The following KLF16 variants were observed in gnomAD, a reference collection of about 807,000 sequenced individuals.
KLF16 encodes KLF transcription factor 16, also known as Krueppel-like factor 16.
Under a neutral mutation model 6.1 loss-of-function variants are expected in KLF16, and 6 were observed. That is an observed-to-expected ratio of 0.98 (90% CI 0.54 to 1.93). The LOEUF is 1.93. Ranked by LOEUF, KLF16 falls within the 30% of genes most tolerant of loss-of-function variation. The pLI, the probability that KLF16 is intolerant of heterozygous loss-of-function variation, is 0.01. For synonymous variants in KLF16, 211 were observed against 176.5 expected, an observed-to-expected ratio of 1.20 and a Z score of -1.55; for missense variants, 355 against 363.8, an observed-to-expected ratio of 0.98 and a Z score of 0.20.
chr19:1,861,992 C>T (rs1599195621), intron 1 of KLF16: 1 of 152,228 alleles, frequency 6.6e-6, no homozygotes, highest in African/African-American at 2.4e-5. Context: ...GCATCGCACT[C>T]TTGATAGAAA....
At position 1,859,315 on chromosome 19, in the gene KLF16, G is replaced by C. The variant is rs566055601; in HGVS notation, c.457+3726C>G. On this transcript the variant is annotated intron_variant, in intron 1 of 1. Coordinates refer to ENST00000250916, the MANE Select transcript of KLF16 (RefSeq NM_031918.4). Reference sequence around the variant, plus strand: ...TCAGCAAGGGATCAGAAACCTGGCAGGCACTCAGACACTCCTCTGCACACC... The same window carrying C: ...TCAGCAAGGGATCAGAAACCTGGCACGCACTCAGACACTCCTCTGCACACC... 3.9e-5 allele frequency among the ~76,000 whole-genome samples: 6 copies of C among 152,196 alleles called. No individual in the cohort carries two copies. In the East Asian group the frequency reaches 9.7e-4, roughly 24 times the overall value.
chr19:1,854,294 C>A lies in KLF16; in HGVS notation c.*165G>T. 1.8e-5 allele frequency: 15 copies of A among 816,954 alleles called. No individual in the cohort carries two copies. The highest frequency in any genetic ancestry group is 2.6e-5 in the Non-Finnish European group (15 of 583,848). The allele number at this position is 816,954 out of a possible 1,614,324, so 50.6% of individuals were successfully genotyped here. A position where few individuals can be genotyped will look rare whatever the true frequency, so the allele number is the denominator to read the frequency against. On this transcript the variant is annotated 3_prime_UTR_variant, in exon 2 of 2. Coordinates refer to ENST00000250916, the MANE Select transcript of KLF16 (RefSeq NM_031918.4). ...CCTGAGAGCCACCTCTGAGGTCAGG[C>A]AGACCCAGGTCCAGTCTCAGGCCCC...
the KLF16 span, among the ~76,000 whole-genome samples, chr19:1,872,546 C>T: frequency 3.0e-4 from 46 of 152,346 alleles, 1 homozygote; most frequent in African/African-American, 8.7e-4. Context: ...CCCAGAGTCG[C>T]GCTCTTATCC....
chr19:1,862,755 G>A (rs1319988528), intron 1 of KLF16: 19 of 367,996 alleles, frequency 5.2e-5, no homozygotes, highest in Middle Eastern at 7.0e-4. Context: ...GAAAGGGAGA[G>A]AGGTGGTCTG....
At chr19:1,876,107 T>TA in the KLF16 span, 1 of 152,312 alleles carries the variant, frequency 6.6e-6, no homozygotes, top group East Asian at 1.9e-4. Context: ...GGCCGCCACT[T>TA]ACCACCGAGG....
rs1198438926 is a variant in KLF16 at position 1,853,696 on chromosome 19, G to A, written c.*763C>T. 1.3e-5 allele frequency: 2 copies of A among 152,652 alleles called. No homozygotes were observed. Among genetic ancestry groups the A allele is most frequent in the Admixed American group, 1.3e-4 (2 of 15,290 alleles). 9.5% of individuals were successfully genotyped at this position (152,652 alleles called of 1,614,324 possible). On this transcript the variant is annotated 3_prime_UTR_variant, in exon 2 of 2. Coordinates refer to ENST00000250916, the MANE Select transcript of KLF16 (RefSeq NM_031918.4). ...GCTAGGGCCCCCACACCCGAGGACA[G>A]AGGAAAATAAATAAGCCAGGATTCC...
At chr19:1,873,715 G>A in the KLF16 span, among the ~76,000 whole-genome samples, 2 of 152,264 alleles carry the variant, frequency 1.3e-5, no homozygotes, top group Non-Finnish European at 2.9e-5. Context: ...GAGAGCGCGC[G>A]TCCTGGAATA....
chr19:1,869,160 T>C, the KLF16 span, among the ~76,000 whole-genome samples: 1 of 152,308 alleles, frequency 6.6e-6, no homozygotes, highest in East Asian at 1.9e-4. Flanking sequence ...GGGGTTTCAC[T>C]GTCAGAGCTG....
At chr19:1,859,666 G>A (rs1318140801) in intron 1 of KLF16, among the ~76,000 whole-genome samples, 1 of 152,014 alleles carries the variant, frequency 6.6e-6, no homozygotes, top group Non-Finnish European at 1.5e-5. Flanking sequence ...TCCAGGAAGC[G>A]CTTTCCGTCA....
intron 1 of KLF16, chr19:1,861,583 G>A (rs2012066518): frequency 6.6e-6 from 1 of 152,290 alleles, no homozygotes; most frequent in African/African-American, 2.4e-5. Flanking sequence ...AGAAAACGCA[G>A]ACCCCACCCA....
intron 1 of KLF16, among the ~76,000 whole-genome samples, chr19:1,858,816 T>A (rs1360499610): frequency 6.6e-6 from 1 of 152,108 alleles, no homozygotes; most frequent in East Asian, 1.9e-4. Context: ...GGTGCCTGTG[T>A]AACCTCTGTT....
intron 1 of KLF16, among the ~76,000 whole-genome samples, chr19:1,859,998 G>A (rs1303006221): frequency 6.6e-6 from 1 of 152,134 alleles, no homozygotes; most frequent in Non-Finnish European, 1.5e-5. Context: ...CGGTAAGTGC[G>A]GAGGAGAGAA....
At chr19:1,868,403 G>T (rs1338553420), upstream of KLF16, among the ~76,000 whole-genome samples, 1 of 147,570 alleles carries the variant, frequency 6.8e-6, no homozygotes, top group Non-Finnish European at 1.5e-5. Flanking sequence ...AGGGTGTCCT[G>T]CCCCAAACCC....
intron 1 of KLF16, 99 bp from the exon 2 acceptor site, chr19:1,854,859 G>C: frequency 2.2e-6 from 3 of 1,354,442 alleles, no homozygotes; most frequent in Non-Finnish European, 3.0e-6. Flanking sequence ...CATTTGTCCC[G>C]TGCCGTTTTA....
the KLF16 span, chr19:1,874,745 C>CAA: frequency 2.1e-5 from 1 of 48,702 alleles, no homozygotes; most frequent in African/African-American, 1.1e-4. Flanking sequence ...TGTCAGAGTC[C>CAA]CAAAAAAAAA....
chr19:1,855,376 C>T (rs1350971785), intron 1 of KLF16, among the ~76,000 whole-genome samples: 1 of 142,116 alleles, frequency 7.0e-6, no homozygotes, highest in Non-Finnish European at 1.5e-5. Flanking sequence ...GCCCCGATCT[C>T]GGGGTGTGGT....
At chr19:1,859,188 G>T (rs1272654060) in intron 1 of KLF16, among the ~76,000 whole-genome samples, 1 of 151,942 alleles carries the variant, frequency 6.6e-6, no homozygotes, top group Non-Finnish European at 1.5e-5. Context: ...CTACAGGAGC[G>T]CATAGTTCTG....
intron 1 of KLF16, chr19:1,862,142 C>G (rs946531694): frequency 3.3e-5 from 5 of 151,626 alleles, no homozygotes; most frequent in Admixed American, 1.3e-4. Context: ...ATGCCCAAAC[C>G]AGGGCCGGCC....
chr19:1,854,330 T>C lies in KLF16; in HGVS notation c.*129A>G. On this transcript the variant is annotated 3_prime_UTR_variant, in exon 2 of 2. Coordinates refer to ENST00000250916, the MANE Select transcript of KLF16 (RefSeq NM_031918.4). ...CCAGTCTCAGGCCCCCTCCTCACTC[T>C]CTGGAGGGGGGCAGGGGTGTCTTCA... The C allele has an allele frequency of 8.5e-7, 1 of 1,180,396 alleles. No homozygotes were observed. The highest frequency in any genetic ancestry group is 1.1e-6 in the Non-Finnish European group (1 of 910,344). 73.1% of individuals were successfully genotyped at this position (1,180,396 alleles called of 1,614,324 possible).
Sources: gnomAD v4.1 joint callset for allele counts (sites outside exome capture counted in the v4.1 genomes callset) on GRCh38, gnomAD v4.1.1 for gene constraint, MANE v1.5 for transcripts, NCBI Gene and HGNC (gene_info 2026-07-23, HGNC 2026-07-21) for gene names.